The following NEO1 variants were observed in gnomAD, a reference collection of about 807,000 sequenced individuals.
NEO1 encodes neogenin.
In NEO1, 63 loss-of-function variants were observed where a neutral mutation model predicts 159.7. That is an observed-to-expected ratio of 0.39 (90% CI 0.32 to 0.49). The LOEUF is 0.49. Ranked by LOEUF, NEO1 falls within the 20% of genes least tolerant of loss-of-function variation. The pLI is 0.85. For missense variants in NEO1, 1,615 were observed against 1,831.0 expected, an observed-to-expected ratio of 0.88 and a Z score of 2.15; for synonymous variants, 633 against 662.0, an observed-to-expected ratio of 0.96 and a Z score of 0.67.
At chr15:73,110,340 A>G (rs1359432699) in intron 1 of NEO1, among the ~76,000 whole-genome samples, 1 of 152,202 alleles carries the variant, frequency 6.6e-6, no homozygotes, top group Non-Finnish European at 1.5e-5. Context: ...GGTATATAAA[A>G]ATGCTACTTA....
chr15:73,298,076 G>T (rs1430936267), intron 26 of NEO1, among the ~76,000 whole-genome samples: 1 of 152,162 alleles, frequency 6.6e-6, no homozygotes, highest in Non-Finnish European at 1.5e-5. Flanking sequence ...CTTTACAAGT[G>T]CTTCATAATA....
At chr15:73,129,262 CT>C (rs1284198831) in intron 4 of NEO1, among the ~76,000 whole-genome samples, 1 of 152,090 alleles carries the variant, frequency 6.6e-6, no homozygotes, top group Non-Finnish European at 1.5e-5. Context: ...CCCAAAATAT[CT>C]TTGTTTCTGC....
At chr15:73,177,315 G>C (rs2035336391) in intron 6 of NEO1, among the ~76,000 whole-genome samples, 1 of 151,998 alleles carries the variant, frequency 6.6e-6, no homozygotes, top group African/African-American at 2.4e-5. Flanking sequence ...AAAATGATCA[G>C]AACTATAGTT....
intron 7 of NEO1, among the ~76,000 whole-genome samples, chr15:73,215,350 G>A (rs552560764): frequency 2.0e-5 from 3 of 152,164 alleles, no homozygotes; most frequent in East Asian, 1.9e-4. Flanking sequence ...CATTCTTGTC[G>A]TGTTCCTATT....
At chr15:73,100,365 C>G (rs1211264665) in intron 1 of NEO1, among the ~76,000 whole-genome samples, 3 of 149,894 alleles carry the variant, frequency 2.0e-5, no homozygotes. Flanking sequence ...GATGGAATCT[C>G]ACTCTGTTGC....
rs2040255697 is a variant in NEO1 at position 73,254,774 on chromosome 15, G to A, written c.2037G>A (p.Lys679=). The part of the protein sequence containing the change: ...YKIRYRKASR[K]SDVTETLVSG... ...TTCGCTACCGAAAGGCCTCCCGAAA[G>A]AGTGATGTCACTGAGACCTTGGTAA... Residue 679 remains lysine (K), a synonymous_variant, in exon 13 of 29, where the codon AAG becomes AAA. Transcript: ENST00000261908. The A allele has an allele frequency of 1.9e-6, 3 of 1,614,162 alleles. No individual in the cohort carries two copies. Among genetic ancestry groups the A allele is most frequent in the Non-Finnish European group, 2.5e-6 (3 of 1,180,004 alleles).
At chr15:73,135,548 T>C (rs891017622) in intron 4 of NEO1, among the ~76,000 whole-genome samples, 1 of 152,136 alleles carries the variant, frequency 6.6e-6, no homozygotes, top group Non-Finnish European at 1.5e-5. Context: ...ACTTCAAAAT[T>C]ACATAATTTG....
intron 15 of NEO1, among the ~76,000 whole-genome samples, chr15:73,262,526 A>G (rs2040665727): frequency 6.6e-6 from 1 of 152,212 alleles, no homozygotes; most frequent in Admixed American, 6.5e-5. Flanking sequence ...ATTAATCATC[A>G]GAAAATGCAA....
At chr15:73,203,489 T>C (rs2037028238) in intron 7 of NEO1, among the ~76,000 whole-genome samples, 1 of 152,202 alleles carries the variant, frequency 6.6e-6, no homozygotes, top group African/African-American at 2.4e-5. Flanking sequence ...ACCAGATTAA[T>C]ATCTACCATG....
rs1596471606 is a variant in NEO1, at chr15:73,247,484, G to A, written c.1607-1576G>A. 2.6e-5 allele frequency among the ~76,000 whole-genome samples: 4 copies of A among 152,294 alleles called. No homozygotes were observed. The Middle Eastern group carries it at 0.01, about 389-fold the overall frequency. ...GAAAGTTTTCCATAGCAGCAGAAGT[G>A]TGACAAATCCCACCTGTCAGGCTGC... On this transcript the variant is annotated intron_variant, in intron 9 of 28. Coordinates refer to ENST00000261908, the MANE Select transcript of NEO1 (RefSeq NM_002499.4).
chr15:73,146,833 GAA>G (rs1426378855), intron 5 of NEO1, among the ~76,000 whole-genome samples: 1 of 152,206 alleles, frequency 6.6e-6, no homozygotes, highest in African/African-American at 2.4e-5. Context: ...TCAAAGACCT[GAA>G]GATTCTGCCT....
chr15:73,172,532 A>C (rs1296128995), intron 5 of NEO1, among the ~76,000 whole-genome samples: 4 of 152,232 alleles, frequency 2.6e-5, no homozygotes, highest in African/African-American at 9.6e-5. Context: ...CAGGAGTTTG[A>C]AACCCACATT....
intron 5 of NEO1, among the ~76,000 whole-genome samples, chr15:73,142,661 T>G (rs1200900415): frequency 1.3e-5 from 2 of 152,060 alleles, no homozygotes; most frequent in African/African-American, 4.8e-5. Context: ...AGGCAAAGGC[T>G]CCCCATCCCC....
intron 5 of NEO1, chr15:73,161,996 C>T: frequency 4.4e-6 from 1 of 225,116 alleles, no homozygotes. Flanking sequence ...TTGAAGGATT[C>T]TTGATCTTGG....
intron 1 of NEO1, among the ~76,000 whole-genome samples, chr15:73,092,592 A>G (rs1315665267): frequency 6.6e-6 from 1 of 152,054 alleles, no homozygotes; most frequent in Non-Finnish European, 1.5e-5. Context: ...CAGTGTTCTT[A>G]TATTTATATT....
intron 11 of NEO1, 27 bp from the exon 12 acceptor site, chr15:73,253,373 A>ATTT (rs747030708): frequency 9.4e-5 from 108 of 1,152,304 alleles, no homozygotes; most frequent in African/African-American, 4.3e-4. Context: ...TAAAAAAAAA[A>ATTT]TTTTTTTTTT....
intron 5 of NEO1, among the ~76,000 whole-genome samples, chr15:73,153,699 G>A (rs1030582730): frequency 6.6e-6 from 1 of 152,126 alleles, no homozygotes; most frequent in Non-Finnish European, 1.5e-5. Flanking sequence ...ATATTATTGA[G>A]GGTCTAAAGG....
At chr15:73,074,853 G>C (rs141398070) in intron 1 of NEO1, among the ~76,000 whole-genome samples, 2 of 152,258 alleles carry the variant, frequency 1.3e-5, no homozygotes, top group African/African-American at 4.8e-5. Flanking sequence ...ACTACAACCA[G>C]GGTTGGGGTG....
At chr15:73,199,454 A>G (rs907029184) in intron 7 of NEO1, among the ~76,000 whole-genome samples, 2 of 151,932 alleles carry the variant, frequency 1.3e-5, no homozygotes, top group Non-Finnish European at 2.9e-5. Context: ...GTTATGCTCT[A>G]CCTCCTTGTG....
Sources: gnomAD v4.1 joint callset for allele counts (sites outside exome capture counted in the v4.1 genomes callset) on GRCh38, gnomAD v4.1.1 for gene constraint, MANE v1.5 for transcripts, NCBI Gene and HGNC (gene_info 2026-07-23, HGNC 2026-07-21) for gene names.